Variants in CRACD observed in about 807,000 individuals in gnomAD.
CRACD encodes the protein capping protein-inhibiting regulator of actin dynamics.
CRACD carries 56 observed loss-of-function variants against 106.8 expected under a neutral mutation model. The ratio of observed to expected loss-of-function variants is 0.52; its 90% confidence interval spans 0.42 to 0.66. The LOEUF (loss-of-function observed/expected upper bound fraction) is 0.66, where lower values mean the gene tolerates loss of function less well. Among genes scored for constraint, CRACD ranks in the 30% least tolerant of loss-of-function variants. CRACD has a pLI of 0.00. For synonymous variants in CRACD, 754 were observed against 670.8 expected (o/e 1.12, Z -1.92); for missense variants, 1,730 against 1,623.2 (o/e 1.07, Z -1.13).
At chr4:56,221,584 G>T (rs974661376) in intron 2 of CRACD, among the ~76,000 whole-genome samples, 1 of 151,988 alleles carries the variant, frequency 6.6e-6, no homozygotes, top group Admixed American at 6.6e-5. Context: ...CAGAATGGGA[G>T]AAAATATTTG....
At chr4:56,246,269 C>T (rs11734492) in intron 2 of CRACD, among the ~76,000 whole-genome samples, 86,264 of 152,008 alleles carry the variant, frequency 0.57, 24,952 homozygotes, top group Middle Eastern at 0.68. Flanking sequence ...CATCTCCCTC[C>T]TTTTTAATTG....
chr4:56,310,891 G>A (rs1337234107), intron 6 of CRACD, 157 bp downstream of exon 6: 2 of 587,162 alleles, frequency 3.4e-6, no homozygotes, highest in Admixed American at 3.0e-5. Flanking sequence ...AGTGACAGAT[G>A]TTGGAGCATC....
intron 2 of CRACD, among the ~76,000 whole-genome samples, chr4:56,183,119 G>A (rs1356945642): frequency 6.6e-6 from 1 of 151,548 alleles, no homozygotes; most frequent in Non-Finnish European, 1.5e-5. Flanking sequence ...TGTAATCCCA[G>A]CTACTCCGGA....
At chr4:56,298,083 A>C in intron 3 of CRACD, 131 bp from the exon 4 acceptor site, 1 of 990,900 alleles carries the variant, frequency 1.0e-6, no homozygotes, top group Non-Finnish European at 1.5e-6. Flanking sequence ...AGACAGGGAC[A>C]CAATGCTGAA....
At chr4:56,234,835 A>C (rs899348058) in intron 2 of CRACD, among the ~76,000 whole-genome samples, 1 of 152,190 alleles carries the variant, frequency 6.6e-6, no homozygotes, top group South Asian at 2.1e-4. Context: ...ATGTTTCAGT[A>C]GACAACTGGA....
At chr4:56,120,756 G>A (rs1298547222) in intron 1 of CRACD, among the ~76,000 whole-genome samples, 1 of 152,216 alleles carries the variant, frequency 6.6e-6, no homozygotes, top group Non-Finnish European at 1.5e-5. Flanking sequence ...AAATATCCAT[G>A]TATAAATGAT....
rs554871797 is a variant in CRACD, at chr4:56,087,034, C to T, written c.-336+37735C>T. ...ATTTTGTCTTTTTTTTATTTTGAAA[C>T]GGAGTCTCCCTCTGTCACCCAGGCT... On this transcript the variant is annotated intron_variant, in intron 1 of 10. Transcript: ENST00000682029. Among the ~76,000 whole-genome samples, 23 of 152,076 alleles carry T rather than the reference C, an allele frequency of 1.5e-4. No homozygotes were observed. The East Asian group carries it at 2.3e-3, about 15-fold the overall frequency.
intron 1 of CRACD, among the ~76,000 whole-genome samples, chr4:56,118,266 C>G (rs933728982): frequency 1.3e-5 from 2 of 152,090 alleles, no homozygotes; most frequent in Admixed American, 1.3e-4. Context: ...TATCCAAAGG[C>G]TCCGTTTCCC....
chr4:56,118,472 C>G (rs934719228), intron 1 of CRACD, among the ~76,000 whole-genome samples: 12 of 152,100 alleles, frequency 7.9e-5, no homozygotes, highest in South Asian at 2.1e-4. Context: ...GTGGGGCAGT[C>G]GAGCCACAAA....
At chr4:56,199,944 C>A (rs1372321816) in intron 2 of CRACD, among the ~76,000 whole-genome samples, 1 of 151,492 alleles carries the variant, frequency 6.6e-6, no homozygotes, top group African/African-American at 2.4e-5. Context: ...TAGAAATATT[C>A]TTTTGTTGCC....
At chr4:56,160,572 A>C (rs1397171424) in intron 1 of CRACD, among the ~76,000 whole-genome samples, 1 of 152,228 alleles carries the variant, frequency 6.6e-6, no homozygotes, top group African/African-American at 2.4e-5. Context: ...CAGATGCTGC[A>C]TGATGGATCA....
At chr4:56,106,744 A>G (rs890443550) in intron 1 of CRACD, among the ~76,000 whole-genome samples, 2 of 152,220 alleles carry the variant, frequency 1.3e-5, no homozygotes, top group Admixed American at 6.5e-5. Flanking sequence ...GGATTGTACA[A>G]GAACGTGAGG....
intron 2 of CRACD, among the ~76,000 whole-genome samples, chr4:56,237,111 T>C (rs767873765): frequency 1.3e-5 from 2 of 152,146 alleles, no homozygotes; most frequent in Non-Finnish European, 2.9e-5. Context: ...TAACATTGCT[T>C]ATAGTGATAT....
At chr4:56,088,861 G>T (rs934095180) in intron 1 of CRACD, among the ~76,000 whole-genome samples, 1 of 152,172 alleles carries the variant, frequency 6.6e-6, no homozygotes. Context: ...GAGTACCTGG[G>T]ATTACAGGTA....
At chr4:56,188,933 AGGC>A (rs1737227883) in intron 2 of CRACD, among the ~76,000 whole-genome samples, 1 of 152,088 alleles carries the variant, frequency 6.6e-6, no homozygotes. Flanking sequence ...GTACTTCGGA[AGGC>A]CGAAGCGGGT....
At chr4:56,240,335 T>C (rs1301626473) in intron 2 of CRACD, among the ~76,000 whole-genome samples, 2 of 152,004 alleles carry the variant, frequency 1.3e-5, no homozygotes, top group Non-Finnish European at 2.9e-5. Context: ...GGGAGTAGGG[T>C]ACCACAGAGA....
At chr4:56,130,013 T>C (rs28418386) in intron 1 of CRACD, among the ~76,000 whole-genome samples, 10,978 of 152,222 alleles carry the variant, frequency 0.072, 496 homozygotes, top group Admixed American at 0.14. Context: ...ATGGCTCATA[T>C]GTGTAGTCAT....
At chr4:56,273,392 C>T (rs900958976) in intron 3 of CRACD, among the ~76,000 whole-genome samples, 5 of 147,502 alleles carry the variant, frequency 3.4e-5, no homozygotes, top group African/African-American at 1.2e-4. Context: ...TCCTTTCTTC[C>T]CTCTCTCTCC....
At chr4:56,309,349 G>A (rs1744971893) in intron 5 of CRACD, among the ~76,000 whole-genome samples, 1 of 152,162 alleles carries the variant, frequency 6.6e-6, no homozygotes, top group Non-Finnish European at 1.5e-5. Flanking sequence ...ACAGACGGAG[G>A]TAGGGCAAGC....
Sources: gnomAD v4.1 joint callset for allele counts (sites outside exome capture counted in the v4.1 genomes callset) on GRCh38, gnomAD v4.1.1 for gene constraint, MANE v1.5 for transcripts, NCBI Gene and HGNC (gene_info 2026-07-23, HGNC 2026-07-21) for gene names.